TREH: variants seen among roughly 807,000 people sequenced by gnomAD.
The protein encoded by TREH is trehalase.
TREH carries 69 observed loss-of-function variants against 80.5 expected under a neutral mutation model. That is an observed-to-expected ratio of 0.86 (90% CI 0.71 to 1.05). The LOEUF is 1.05. Among genes scored for constraint, TREH ranks in the 50% least tolerant of loss-of-function variants. TREH has a pLI of 0.00. For missense variants in TREH, 716 were observed against 718.8 expected (o/e 1.00, Z 0.04); for synonymous variants, 309 against 293.5 (o/e 1.05, Z -0.54).
Position 118,663,450 on chromosome 11 carries a change from A to G in TREH, c.90-11T>C, listed in dbSNP as rs1949347923. On this transcript the variant is annotated splice_polypyrimidine_tract_variant and intron_variant, in intron 1 of 14. Coordinates refer to ENST00000264029, the MANE Select transcript of TREH (RefSeq NM_007180.3). The stretch of plus-strand genomic sequence containing the variant: ...TGGCAGTAAATCTCACTGCAGAGAC[A>G]GGGATAGGAGCAGGTCAGGTCACCA... 2 of 1,565,626 alleles carry G rather than the reference A, an allele frequency of 1.3e-6. No individual in the cohort carries two copies. The highest frequency in any genetic ancestry group is 8.7e-7 in the Non-Finnish European group (1 of 1,154,370).
At chr11:118,671,029 T>C (rs569766849) in intron 1 of TREH, among the ~76,000 whole-genome samples, 4 of 152,322 alleles carry the variant, frequency 2.6e-5, no homozygotes, top group South Asian at 2.1e-4. Context: ...TTTATCCAGA[T>C]TGTAGGTAGA....
chr11:118,664,177 C>G (rs1949355382), intron 1 of TREH, among the ~76,000 whole-genome samples: 2 of 152,190 alleles, frequency 1.3e-5, no homozygotes, highest in South Asian at 4.1e-4. Context: ...GATCCTAGTG[C>G]CACATAGAAG....
chr11:118,661,282 C>T lies in TREH; in HGVS notation c.735G>A (p.Gln245=). The change falls in exon 8 of 15, where the codon CAG becomes CAA. Residue 245 remains glutamine, a splice_region_variant and synonymous_variant. Transcript: ENST00000264029. The surrounding 1 kb of genome is among the most constrained non-coding windows in gnomAD (Gnocchi z 4.2). The part of the protein sequence containing the change: ...LTHTNDTAFL[Q]ENIETLALEL... ...CCAAGGCTAGTGTTTCAATGTTTTC[C>T]CTGGAGTGAAGCAGACAACACCTCA... 6.2e-7 allele frequency: 1 copy of T among 1,613,982 alleles called. No homozygotes were observed. The highest frequency in any genetic ancestry group is 8.5e-7 in the Non-Finnish European group (1 of 1,179,872).
At chr11:118,664,460 G>C (rs1274706189) in intron 1 of TREH, among the ~76,000 whole-genome samples, 1 of 152,234 alleles carries the variant, frequency 6.6e-6, no homozygotes, top group African/African-American at 2.4e-5. Context: ...AACTATTAAA[G>C]TGTTGCCCAC....
intron 1 of TREH, among the ~76,000 whole-genome samples, chr11:118,671,247 A>T (rs1279240833): frequency 1.3e-5 from 2 of 152,174 alleles, no homozygotes; most frequent in Non-Finnish European, 2.9e-5. Context: ...GAATATAGTT[A>T]TATTTTTTTG....
Position 118,659,397 on chromosome 11 carries a change from C to T in TREH, c.1405G>A (p.Ala469Thr), listed in dbSNP as rs782579310. Residue 469 changes from alanine to threonine, a missense_variant, in exon 12 of 15, where the codon GCC (alanine) becomes ACC (threonine). Ala to Thr is a moderately conservative substitution (Grantham distance 58, BLOSUM62 0). Transcript: ENST00000264029. ...GQQWDFPNAW[A>T]PLQDLVIRGL... ...CTGATGACCAGGTCCTGCAGGGGGG[C>T]CCAGGCATTGGGGAAATCCCACTGC... 1 of 1,597,850 alleles carries T rather than the reference C, an allele frequency of 6.3e-7. No individual in the cohort carries two copies. The highest frequency in any genetic ancestry group is 1.1e-5 in the South Asian group (1 of 88,176).
intron 1 of TREH, among the ~76,000 whole-genome samples, chr11:118,678,178 G>C (rs1324981016): frequency 2.6e-5 from 4 of 151,920 alleles, no homozygotes; most frequent in African/African-American, 9.7e-5. Flanking sequence ...CCCTTTCCAT[G>C]CCTGGACTGT....
In TREH at chr11:118,658,998, T is replaced by G; in HGVS notation, c.1452A>C (p.Leu484Phe). The G allele has an allele frequency of 6.2e-7, 1 of 1,613,794 alleles. No individual in the cohort carries two copies. Among genetic ancestry groups the G allele is most frequent in the Non-Finnish European group, 8.5e-7 (1 of 1,179,860 alleles). The change falls in exon 13 of 15, where the codon TTA becomes TTC. Residue 484 changes from leucine (L) to phenylalanine (F), a missense_variant. Leu to Phe is a conservative substitution (Grantham distance 22). Coordinates refer to ENST00000264029, the MANE Select transcript of TREH (RefSeq NM_007180.3). ...LVIRGLAKAP[L>F]RRAQEVAFQL... ...GGAAAGCCACTTCCTGGGCCCGACG[T>G]AAAGGTGCCTTGGCCAGGCCTAGAC...
chr11:118,679,493 T>C, intron 1 of TREH, 46 bp downstream of exon 1: 1 of 1,448,048 alleles, frequency 6.9e-7, no homozygotes, highest in Non-Finnish European at 9.1e-7. Flanking sequence ...CATCCCAGCC[T>C]CCCTCTTATT....
chr11:118,659,607 C>G (rs1222627389), intron 11 of TREH, 126 bp from the exon 12 acceptor site: 4 of 1,352,690 alleles, frequency 3.0e-6, no homozygotes, highest in Non-Finnish European at 4.0e-6. Context: ...TCACAGCTGC[C>G]CCCCGGTGGC....
chr11:118,663,072 G>A lies in TREH; in HGVS notation c.315C>T (p.Thr105=), dbSNP rs782459532. Residue 105 remains threonine, a synonymous_variant, in exon 3 of 15, where the codon ACC becomes ACT. Coordinates refer to ENST00000264029, the MANE Select transcript of TREH (RefSeq NM_007180.3). Reference sequence around the variant, plus strand: ...CATACCTGTCTTTCCAGTCTGCAGGGGTCCAGGGCTGCAGCTCCTGCCCCT... The same window carrying A: ...CATACCTGTCTTTCCAGTCTGCAGGAGTCCAGGGCTGCAGCTCCTGCCCCT... ...QAKGQELQPW[T]PADWKDSPQF... is the part of the protein sequence containing the mutation. 4.3e-6 allele frequency: 7 copies of A among 1,613,930 alleles called. No homozygotes were observed. Among genetic ancestry groups the A allele is most frequent in the Non-Finnish European group, 5.9e-6 (7 of 1,179,840 alleles).
At chr11:118,669,621 C>G (rs78488464) in intron 1 of TREH, among the ~76,000 whole-genome samples, 1 of 152,150 alleles carries the variant, frequency 6.6e-6, no homozygotes, top group Non-Finnish European at 1.5e-5. Flanking sequence ...TATGTTCTCA[C>G]TTATTTGTGG....
At chr11:118,668,561 CAAAAA>C (rs35085066) in intron 1 of TREH, among the ~76,000 whole-genome samples, 2 of 47,868 alleles carry the variant, frequency 4.2e-5, no homozygotes, top group African/African-American at 1.0e-4. Context: ...GACTCTGTCT[CAAAAA>C]AAAAAAAAAA....
At chr11:118,672,321 C>A (rs1017146429) in intron 1 of TREH, among the ~76,000 whole-genome samples, 1 of 151,860 alleles carries the variant, frequency 6.6e-6, no homozygotes, top group Non-Finnish European at 1.5e-5. Flanking sequence ...TCGCTTGAAC[C>A]GGGGAGGTGG....
At chr11:118,670,952 C>T (rs1370186959) in intron 1 of TREH, among the ~76,000 whole-genome samples, 1 of 152,204 alleles carries the variant, frequency 6.6e-6, no homozygotes, top group African/African-American at 2.4e-5. Context: ...AGCTACTACA[C>T]CTCTTTCTCT....
At chr11:118,659,594 G>C in intron 11 of TREH, 113 bp from the exon 12 acceptor site, 1 of 1,346,952 alleles carries the variant, frequency 7.4e-7, no homozygotes, top group Non-Finnish European at 1.0e-6. Context: ...TTCTTTTCTC[G>C]GCTCACAGCT....
chr11:118,672,044 T>G (rs1175735043), intron 1 of TREH, among the ~76,000 whole-genome samples: 1 of 152,122 alleles, frequency 6.6e-6, no homozygotes, highest in Admixed American at 6.5e-5. Context: ...ACCAGACCAG[T>G]CCTACAAGAA....
chr11:118,660,870 T>C lies in TREH; in HGVS notation c.903A>G (p.Pro301=), dbSNP rs1555144820. Residue 301 remains proline, a synonymous_variant, in exon 9 of 15, where the codon CCA becomes CCG. Coordinates refer to ENST00000264029, the MANE Select transcript of TREH (RefSeq NM_007180.3). ...CCTCACCCTCCTGCTGCTCACCTTC[T>C]GGCAAGGTGTCAGCCAACTCCACAT... ...SKDVELADTL[P]EGDREALWAE... 1 of 1,568,220 alleles carries C rather than the reference T, an allele frequency of 6.4e-7. No individual in the cohort carries two copies. Among genetic ancestry groups the C allele is most frequent in the Non-Finnish European group, 8.7e-7 (1 of 1,155,984 alleles).
chr11:118,661,881 G>A lies in TREH; in HGVS notation c.524+9C>T, dbSNP rs1555145076. ...CAGGCCCCTTGGTCTCTTGGGCCTG[G>A]GCGCTCACCAGTAGTAGAACTCAAC... On this transcript the variant is annotated intron_variant, in intron 5 of 14. Transcript: ENST00000264029. This position sits in a 1 kb window ranked among gnomAD's most constrained non-coding sequence, Gnocchi z 4.2. 1 of 1,560,332 alleles carries A rather than the reference G, an allele frequency of 6.4e-7. No homozygotes were observed. Among genetic ancestry groups the A allele is most frequent in the Non-Finnish European group, 8.7e-7 (1 of 1,152,056 alleles).
Sources: allele counts gnomAD v4.1 joint callset (sites outside exome capture counted in the v4.1 genomes callset), GRCh38; gene constraint gnomAD v4.1.1; non-coding constraint Gnocchi (gnomAD v3.1); transcripts MANE v1.5; gene names NCBI Gene and HGNC (gene_info 2026-07-23, HGNC 2026-07-21).